BLTP1: variants seen among roughly 807,000 people sequenced by gnomAD.
The protein encoded by BLTP1 is fragile site-associated protein.
the BLTP1 span, chr4:122,229,758 G>C: frequency 2.1e-6 from 2 of 956,574 alleles, no homozygotes; most frequent in Admixed American, 6.2e-5. Context: ...TAACTTTTCT[G>C]TTCCCTTCTT....
At chr4:122,297,505 C>T in the BLTP1 span, among the ~76,000 whole-genome samples, 1 of 152,238 alleles carries the variant, frequency 6.6e-6, no homozygotes, top group East Asian at 1.9e-4. Context: ...GGGGCAATTC[C>T]TAAAAAATCT....
the BLTP1 span, chr4:122,264,133 TTAA>T: frequency 7.9e-7 from 1 of 1,266,778 alleles, no homozygotes; most frequent in Non-Finnish European, 1.0e-6. Flanking sequence ...TCTTTTCAAT[TTAA>T]TCAGTCTTGA....
At chr4:122,321,718 A>C in the BLTP1 span, among the ~76,000 whole-genome samples, 1 of 152,006 alleles carries the variant, frequency 6.6e-6, no homozygotes, top group South Asian at 2.1e-4. Flanking sequence ...TCTCTCTATA[A>C]AACTTCTTTT....
the BLTP1 span, among the ~76,000 whole-genome samples, chr4:122,258,019 C>G: frequency 2.6e-5 from 4 of 152,130 alleles, no homozygotes; most frequent in African/African-American, 9.7e-5. Flanking sequence ...TACCTGATGC[C>G]TGCTTGATCC....
chr4:122,200,506 G>A, the BLTP1 span: 2 of 837,600 alleles, frequency 2.4e-6, no homozygotes, highest in Non-Finnish European at 1.4e-6. Context: ...CTTGAAGCTG[G>A]GAGGCGGAGG....
chr4:122,302,336 A>T, the BLTP1 span: 2 of 740,092 alleles, frequency 2.7e-6, no homozygotes, highest in Non-Finnish European at 3.3e-6. Context: ...ATTGTGTTTC[A>T]CAGGTATTGA....
the BLTP1 span, among the ~76,000 whole-genome samples, chr4:122,171,378 A>T: frequency 6.6e-6 from 1 of 152,130 alleles, no homozygotes; most frequent in East Asian, 1.9e-4. Flanking sequence ...CTGCTCTGGA[A>T]GTTTTCATGG....
the BLTP1 span, among the ~76,000 whole-genome samples, chr4:122,356,272 C>A: frequency 6.6e-6 from 1 of 152,138 alleles, no homozygotes; most frequent in Non-Finnish European, 1.5e-5. Flanking sequence ...ATCCAAAAAT[C>A]TGAAATGCCC....
At chr4:122,219,625 G>A in the BLTP1 span, 6 of 1,239,662 alleles carry the variant, frequency 4.8e-6, no homozygotes, top group Middle Eastern at 1.9e-4. Context: ...CCTGTGTATA[G>A]ATGTGAAGCA....
At chr4:122,174,553 G>C in the BLTP1 span, 1 of 1,604,178 alleles carries the variant, frequency 6.2e-7, no homozygotes, top group Non-Finnish European at 8.5e-7. Context: ...ATTAACTGCT[G>C]TTTTTTCCTT....
the BLTP1 span, among the ~76,000 whole-genome samples, chr4:122,266,054 G>A: frequency 6.6e-6 from 1 of 152,140 alleles, no homozygotes; most frequent in Non-Finnish European, 1.5e-5. Context: ...TAGTGAAAGA[G>A]GAGGCTGAGA....
At chr4:122,214,559 T>G in the BLTP1 span, 1 of 945,992 alleles carries the variant, frequency 1.1e-6, no homozygotes, top group Non-Finnish European at 1.3e-6. Flanking sequence ...TGTATTACCA[T>G]CTACCTTACA....
At chr4:122,208,194 T>C in the BLTP1 span, 1 of 777,356 alleles carries the variant, frequency 1.3e-6, no homozygotes, top group Non-Finnish European at 1.6e-6. Flanking sequence ...ATAGACACTA[T>C]TCCATGTGCT....
the BLTP1 span, chr4:122,291,749 G>C: frequency 2.4e-4 from 230 of 978,258 alleles, no homozygotes; most frequent in African/African-American, 3.8e-3. Context: ...TATATTTGTT[G>C]ATAAAGACAT....
At chr4:122,292,574 C>T in the BLTP1 span, 7 of 899,956 alleles carry the variant, frequency 7.8e-6, no homozygotes, top group Non-Finnish European at 9.3e-6. Flanking sequence ...ACGAAGTATA[C>T]TGTTAGGTAA....
the BLTP1 span, among the ~76,000 whole-genome samples, chr4:122,342,366 T>A: frequency 0.94 from 136,150 of 145,272 alleles, 64,021 homozygotes; most frequent in Non-Finnish European, 0.99. Context: ...TTATTTATTT[T>A]TTTTTTTGAG....
At chr4:122,243,643 G>C in the BLTP1 span, among the ~76,000 whole-genome samples, 2 of 152,036 alleles carry the variant, frequency 1.3e-5, no homozygotes, top group Non-Finnish European at 2.9e-5. Flanking sequence ...CAGCTACTTG[G>C]GAGGAGGAGG....
At chr4:122,175,378 G>C in the BLTP1 span, 12 of 552,916 alleles carry the variant, frequency 2.2e-5, no homozygotes, top group Non-Finnish European at 2.8e-5. Context: ...AGAAATGAAG[G>C]AACATCCTTA....
the BLTP1 span, chr4:122,154,914 T>C: frequency 4.2e-5 from 39 of 938,440 alleles, no homozygotes; most frequent in Non-Finnish European, 5.0e-5. Flanking sequence ...AGTTGACTTT[T>C]GGTTTGTTTT....
Sources: allele counts gnomAD v4.1 joint callset (sites outside exome capture counted in the v4.1 genomes callset), GRCh38; gene constraint gnomAD v4.1.1; transcripts MANE v1.5; gene names NCBI Gene and HGNC (gene_info 2026-07-23, HGNC 2026-07-21).